DIP2C: variants seen among roughly 807,000 people sequenced by gnomAD.
DIP2C encodes the protein DIP2 acetate--CoA ligase C (putative).
In DIP2C, 33 loss-of-function variants were observed where a neutral mutation model predicts 192.4. The ratio of observed to expected loss-of-function variants is 0.17; its 90% CI spans 0.13 to 0.23. The LOEUF is 0.23. Among genes scored for constraint, DIP2C ranks in the 10% least tolerant of loss-of-function variants. The pLI is 1.00. For synonymous variants in DIP2C, 979 were observed against 864.1 expected, an observed-to-expected ratio of 1.13 and a Z score of -2.33; for missense variants, 1,537 against 2,110.1, an observed-to-expected ratio of 0.73 and a Z score of 5.32.
intron 6 of DIP2C, among the ~76,000 whole-genome samples, chr10:418,052 C>T (rs1332198410): frequency 1.6e-4 from 2 of 12,838 alleles, no homozygotes; most frequent in Non-Finnish European, 4.1e-4. Flanking sequence ...GTCAGGGCTT[C>T]GATAGGCCTC....
At position 365,987 on chromosome 10, in the gene DIP2C, C is replaced by T. The variant is rs1474693186; in HGVS notation, c.2268+288G>A. Among the ~76,000 whole-genome samples, 6 of 152,284 alleles carry T rather than the reference C, an allele frequency of 3.9e-5. No homozygotes were observed. In the East Asian group the frequency reaches 1.2e-3, roughly 29 times the overall value. On this transcript the variant is annotated intron_variant, in intron 19 of 36. Transcript: ENST00000280886. ...AAGGCCCTTCACGCACACAAGTGCA[C>T]GTTCAATAATGATCCACTTTTCACA... is the stretch of plus-strand genomic sequence containing the variant.
chr10:347,435 T>C (rs1352684148), intron 26 of DIP2C, among the ~76,000 whole-genome samples: 34 of 95,418 alleles, frequency 3.6e-4, no homozygotes, highest in Admixed American at 6.3e-4. Context: ...CCCGGAAACG[T>C]CACACGCACC....
At chr10:591,395 G>C (rs923968422) in intron 1 of DIP2C, among the ~76,000 whole-genome samples, 30 of 152,132 alleles carry the variant, frequency 2.0e-4, no homozygotes, top group African/African-American at 6.5e-4. Flanking sequence ...AAAGTGCCGG[G>C]ATTACAGGTG....
intron 1 of DIP2C, among the ~76,000 whole-genome samples, chr10:575,773 G>C (rs767697330): frequency 6.6e-6 from 1 of 152,210 alleles, no homozygotes; most frequent in Non-Finnish European, 1.5e-5. Context: ...AGCAGGGCCA[G>C]AGCCAGGGGC....
chr10:386,133 T>G (rs1482735343), intron 14 of DIP2C, among the ~76,000 whole-genome samples: 12 of 151,884 alleles, frequency 7.9e-5, no homozygotes, highest in Non-Finnish European at 1.6e-4. Flanking sequence ...AGCCGGAAAG[T>G]TGGGTGTTCT....
chr10:349,126 G>A (rs1161701250), intron 25 of DIP2C, among the ~76,000 whole-genome samples: 1 of 152,176 alleles, frequency 6.6e-6, no homozygotes, highest in African/African-American at 2.4e-5. Context: ...CTTTATTGAC[G>A]CCTCTCACAG....
At chr10:316,369 G>T (rs1956773466) in intron 31 of DIP2C, among the ~76,000 whole-genome samples, 2 of 152,184 alleles carry the variant, frequency 1.3e-5, no homozygotes, top group Admixed American at 6.5e-5. Context: ...TGTCTTCTAT[G>T]CTTCACGGCG....
rs1321574507 is a variant in DIP2C at position 399,862 on chromosome 10, G to A, written c.1150-643C>T. Among the ~76,000 whole-genome samples the A allele has an allele frequency of 1.3e-5, 2 of 152,196 alleles. 1 individual carries two copies. The highest frequency in any genetic ancestry group is 4.1e-4 in the South Asian group (2 of 4,826). ...GCATCAGTCCCCTGGTGCCACACAC[G>A]TGCATGTGTTGTGGGCCCTGGCCCT... On this transcript the variant is annotated intron_variant, in intron 9 of 36. Transcript: ENST00000280886.
In DIP2C at chr10:476,297, C is replaced by G. The variant is rs187439653; in HGVS notation, c.158-3748G>C. 1.9e-3 allele frequency among the ~76,000 whole-genome samples: 294 copies of G among 152,320 alleles called. 1 individual carries two copies. The highest frequency in any genetic ancestry group is 0.01 in the Middle Eastern group (3 of 294). ...GCATTGGCCACGTGAGGCACCAGCT[C>G]AGATCCGGTCCTCCGGGGACGGGAG... On this transcript the variant is annotated intron_variant, in intron 2 of 36. Coordinates refer to ENST00000280886, the MANE Select transcript of DIP2C (RefSeq NM_014974.3).
In DIP2C at chr10:476,352, C is replaced by CG. The variant is rs1843030821; in HGVS notation, c.158-3804dup. On this transcript the variant is annotated intron_variant, in intron 2 of 36. Transcript: ENST00000280886. ...CATGCCTGCGGTCGTGGCCCCAATC[C>CG]GTCTGGCTCCTGTCATTCTGTGGGA... 2.0e-5 allele frequency among the ~76,000 whole-genome samples: 3 copies of CG among 152,200 alleles called. 1 individual carries two copies. The South Asian group carries it at 6.2e-4, about 32-fold the overall frequency.
chr10:294,181 C>T (rs977095178), intron 32 of DIP2C, among the ~76,000 whole-genome samples: 6 of 152,082 alleles, frequency 3.9e-5, no homozygotes, highest in East Asian at 1.9e-4. Flanking sequence ...TGGACTGAGC[C>T]GACCTTGCAG....
intron 15 of DIP2C, 136 bp from the exon 16 acceptor site, chr10:384,282 T>G (rs1385997641): frequency 7.1e-5 from 88 of 1,240,746 alleles, no homozygotes; most frequent in Non-Finnish European, 8.8e-5. Flanking sequence ...TTTTTTTTTT[T>G]TTTTTTTTTT....
In DIP2C at chr10:484,851, GACGTCGCAC is replaced by G. The variant is rs1288193289; in HGVS notation, c.157+1599_157+1607del. ...CCCGCTCCCGAGCCGCAGCTTCTCG[GACGTCGCAC>G]ACCCCGATGTGGGCAGAGCGGAATG... On this transcript the variant is annotated intron_variant, in intron 2 of 36. Coordinates refer to ENST00000280886, the MANE Select transcript of DIP2C (RefSeq NM_014974.3). 2.5e-6 allele frequency: 4 copies of G among 1,611,708 alleles called. No homozygotes were observed. The South Asian group carries it at 4.4e-5, about 18-fold the overall frequency.
intron 24 of DIP2C, among the ~76,000 whole-genome samples, chr10:355,235 C>A (rs1316391749): frequency 6.6e-6 from 1 of 152,166 alleles, no homozygotes; most frequent in East Asian, 1.9e-4. Context: ...TGAGCAGATA[C>A]AGTGAACGAC....
chr10:431,714 A>G (rs1437207508), intron 4 of DIP2C, among the ~76,000 whole-genome samples: 4 of 152,234 alleles, frequency 2.6e-5, no homozygotes, highest in Non-Finnish European at 5.9e-5. Context: ...TCTCTTCCCA[A>G]TGAATATGTA....
intron 1 of DIP2C, among the ~76,000 whole-genome samples, chr10:549,294 A>T (rs897465673): frequency 2.0e-5 from 3 of 152,110 alleles, no homozygotes; most frequent in East Asian, 1.9e-4. Flanking sequence ...AAACCCCACA[A>T]GTAAGCTATG....
intron 2 of DIP2C, among the ~76,000 whole-genome samples, chr10:477,890 A>G (rs1184024345): frequency 7.5e-6 from 1 of 133,374 alleles, no homozygotes; most frequent in South Asian, 2.8e-4. Flanking sequence ...GAGAGAGAAG[A>G]AAAGGAAAAG....
intron 14 of DIP2C, among the ~76,000 whole-genome samples, chr10:386,546 C>T (rs923434477): frequency 2.6e-5 from 4 of 152,174 alleles, no homozygotes; most frequent in Admixed American, 6.5e-5. Context: ...GTGCTGGGAA[C>T]ACGCTGCTCC....
At chr10:575,999 GTC>G (rs1221855204) in intron 1 of DIP2C, among the ~76,000 whole-genome samples, 1 of 152,230 alleles carries the variant, frequency 6.6e-6, no homozygotes, top group Admixed American at 6.5e-5. Context: ...GTGGGTGCCA[GTC>G]TCTGTCCTGC....
Sources: gnomAD v4.1 joint callset for allele counts (sites outside exome capture counted in the v4.1 genomes callset) on GRCh38, gnomAD v4.1.1 for gene constraint, MANE v1.5 for transcripts, NCBI Gene and HGNC (gene_info 2026-07-23, HGNC 2026-07-21) for gene names.